GPR158: variants seen among roughly 807,000 people sequenced by gnomAD.
GPR158 encodes G protein-coupled receptor 158.
A neutral mutation model predicts 78.2 loss-of-function variants in GPR158; 30 were observed. That is an observed-to-expected ratio of 0.38 (90% CI 0.29 to 0.52). The LOEUF (loss-of-function observed/expected upper bound fraction) is 0.52. Ranked by LOEUF, GPR158 falls within the 20% of genes least tolerant of loss-of-function variation. The pLI is 0.83. For missense variants in GPR158, 1,463 were observed against 1,523.5 expected, an observed-to-expected ratio of 0.96 and a Z score of 0.66; for synonymous variants, 581 against 591.1, an observed-to-expected ratio of 0.98 and a Z score of 0.25.
intron 5 of GPR158, among the ~76,000 whole-genome samples, chr10:25,535,976 C>G (rs1024688819): frequency 1.3e-5 from 2 of 152,182 alleles, no homozygotes; most frequent in Admixed American, 6.5e-5. Context: ...TGCATCCACA[C>G]TGTGTCCCCA....
chr10:25,252,973 G>A (rs1404542438), intron 2 of GPR158, among the ~76,000 whole-genome samples: 2 of 152,236 alleles, frequency 1.3e-5, no homozygotes, highest in Non-Finnish European at 2.9e-5. Flanking sequence ...GAGATTCCGT[G>A]GGCGTAGGAC....
intron 2 of GPR158, among the ~76,000 whole-genome samples, chr10:25,346,702 C>G (rs907147132): frequency 6.6e-6 from 1 of 151,860 alleles, no homozygotes; most frequent in African/African-American, 2.4e-5. Flanking sequence ...TTGTTTCCTA[C>G]AAAGAGTTCT....
At chr10:25,281,987 A>G (rs967996123) in intron 2 of GPR158, among the ~76,000 whole-genome samples, 2 of 152,212 alleles carry the variant, frequency 1.3e-5, no homozygotes, top group African/African-American at 2.4e-5. Flanking sequence ...TTAAATTTGC[A>G]TAAACTAAAA....
intron 1 of GPR158, among the ~76,000 whole-genome samples, chr10:25,207,540 G>A (rs1485035174): frequency 1.3e-5 from 2 of 152,038 alleles, no homozygotes; most frequent in Admixed American, 6.6e-5. Flanking sequence ...TAGATCCCTC[G>A]CATATGCAGT....
At chr10:25,214,670 G>A (rs1212360924) in intron 1 of GPR158, among the ~76,000 whole-genome samples, 3 of 152,004 alleles carry the variant, frequency 2.0e-5, no homozygotes, top group Admixed American at 6.6e-5. Context: ...TTTGGTGATA[G>A]GATCTTTAAA....
chr10:25,251,201 G>C (rs1345066707), intron 2 of GPR158, among the ~76,000 whole-genome samples: 2 of 152,082 alleles, frequency 1.3e-5, no homozygotes, highest in Non-Finnish European at 2.9e-5. Context: ...TTGAGCCTAT[G>C]TGTGTCTCTG....
intron 1 of GPR158, among the ~76,000 whole-genome samples, chr10:25,202,316 C>CATAT (rs34880761): frequency 1.3e-5 from 2 of 151,252 alleles, no homozygotes; most frequent in African/African-American, 2.4e-5. Context: ...GTTTGTTACA[C>CATAT]ATATATATAT....
chr10:25,453,721 C>G (rs1238622516), intron 4 of GPR158, among the ~76,000 whole-genome samples: 1 of 152,074 alleles, frequency 6.6e-6, no homozygotes, highest in Non-Finnish European at 1.5e-5. Flanking sequence ...GCATCTTTAT[C>G]AAAAATCAAT....
At chr10:25,415,481 A>G (rs1834646605) in intron 4 of GPR158, among the ~76,000 whole-genome samples, 1 of 152,078 alleles carries the variant, frequency 6.6e-6, no homozygotes, top group Non-Finnish European at 1.5e-5. Flanking sequence ...TACCATAGCT[A>G]AAAATAGAAA....
intron 4 of GPR158, among the ~76,000 whole-genome samples, chr10:25,464,599 T>C (rs550490981): frequency 1.4e-4 from 22 of 152,312 alleles, no homozygotes; most frequent in African/African-American, 5.3e-4. Flanking sequence ...GGTGAGACCA[T>C]TGAAGTTCCA....
chr10:25,432,994 A>T (rs1436727525), intron 4 of GPR158, among the ~76,000 whole-genome samples: 1 of 152,240 alleles, frequency 6.6e-6, no homozygotes, highest in Non-Finnish European at 1.5e-5. Context: ...ATCATCAAAC[A>T]GTATCACGTA....
Position 25,273,299 on chromosome 10 carries a change from G to T in GPR158, c.1008+52142G>T, listed in dbSNP as rs555040265. On this transcript the variant is annotated intron_variant, in intron 2 of 10. Coordinates refer to ENST00000376351, the MANE Select transcript of GPR158 (RefSeq NM_020752.3). Reference sequence around the variant, plus strand: ...CATGTTAGATTATGCAGTCTAACAGGGTATGCTTACTTTTACCCAAGGAGA... The same window carrying T: ...CATGTTAGATTATGCAGTCTAACAGTGTATGCTTACTTTTACCCAAGGAGA... Among the ~76,000 whole-genome samples the T allele has an allele frequency of 7.9e-5, 12 of 152,038 alleles. No homozygotes were observed. In the South Asian group the frequency reaches 2.5e-3, roughly 32 times the overall value.
intron 2 of GPR158, among the ~76,000 whole-genome samples, chr10:25,293,360 G>T (rs1328908802): frequency 6.6e-6 from 1 of 152,234 alleles, no homozygotes; most frequent in East Asian, 1.9e-4. Context: ...AGTAGGTATG[G>T]TCTGCCTAGG....
chr10:25,375,254 T>G (rs1272091563), intron 2 of GPR158, among the ~76,000 whole-genome samples: 1 of 151,734 alleles, frequency 6.6e-6, no homozygotes, highest in African/African-American at 2.4e-5. Flanking sequence ...CCTTCAATTT[T>G]AAGAGTTTTG....
At chr10:25,473,320 G>A (rs1340345740) in intron 5 of GPR158, among the ~76,000 whole-genome samples, 1 of 152,080 alleles carries the variant, frequency 6.6e-6, no homozygotes, top group East Asian at 1.9e-4. Context: ...TGATCATGGT[G>A]GATAAGCTTT....
intron 6 of GPR158, among the ~76,000 whole-genome samples, chr10:25,564,518 C>A (rs1032566417): frequency 3.9e-5 from 6 of 152,116 alleles, no homozygotes. Flanking sequence ...CTTTGTCAGC[C>A]CTAGGAAAAT....
intron 10 of GPR158, among the ~76,000 whole-genome samples, chr10:25,596,990 G>A (rs147891791): frequency 2.9e-4 from 44 of 152,302 alleles, no homozygotes; most frequent in African/African-American, 1.0e-3. Context: ...ATGAACCATA[G>A]TATAAATTAG....
At chr10:25,305,271 C>CT (rs1471266202) in intron 2 of GPR158, among the ~76,000 whole-genome samples, 1 of 152,174 alleles carries the variant, frequency 6.6e-6, no homozygotes, top group Non-Finnish European at 1.5e-5. Flanking sequence ...TTCCCAGACA[C>CT]TTAGCATTAC....
intron 5 of GPR158, among the ~76,000 whole-genome samples, chr10:25,535,492 G>A (rs936451295): frequency 6.6e-5 from 10 of 152,208 alleles, no homozygotes; most frequent in African/African-American, 2.2e-4. Flanking sequence ...AGCAGCATGG[G>A]CTTGGAAGTG....
Sources: allele counts gnomAD v4.1 joint callset (sites outside exome capture counted in the v4.1 genomes callset), GRCh38; gene constraint gnomAD v4.1.1; transcripts MANE v1.5; gene names NCBI Gene and HGNC (gene_info 2026-07-23, HGNC 2026-07-21).